Variants in PSMD1 observed in about 807,000 individuals in gnomAD.
PSMD1 encodes 26S proteasome non-ATPase regulatory subunit 1.
In PSMD1, 18 loss-of-function variants were observed where a neutral mutation model predicts 119.0. The observed-to-expected ratio is 0.15, with a 90% CI of 0.10 to 0.22. The LOEUF is 0.22. Among genes scored for constraint, PSMD1 ranks in the 10% least tolerant of loss-of-function variants. The pLI is 1.00. For missense variants in PSMD1, 702 were observed against 1,158.5 expected, an observed-to-expected ratio of 0.61 and a Z score of 5.72; for synonymous variants, 374 against 396.6, an observed-to-expected ratio of 0.94 and a Z score of 0.68.
intron 17 of PSMD1, among the ~76,000 whole-genome samples, chr2:231,145,894 CAAAAAAAAAAAAAAAA>C (rs36124651): frequency 2.1e-5 from 1 of 46,540 alleles, no homozygotes; most frequent in Non-Finnish European, 4.0e-5. Flanking sequence ...AGCTACATCT[CAAAAAAAAAAAAAAAA>C]AAAAAAAAAA....
rs140498298 is a variant in PSMD1, at chr2:231,083,066, C to G, written c.1525+72C>G. The stretch of plus-strand genomic sequence containing the variant: ...TAAATGTAATTACATTAGTTTCTAC[C>G]TATATTTTGTAGCCTCTTAAAATTC... On this transcript the variant is annotated intron_variant, in intron 13 of 24. Transcript: ENST00000308696. 62 of 1,146,532 alleles carry G rather than the reference C, an allele frequency of 5.4e-5. No individual in the cohort carries two copies. The African/African-American group carries it at 8.6e-4, about 16-fold the overall frequency. The allele number at this position is 1,146,532 out of a possible 1,614,324, so 71.0% of individuals were successfully genotyped here. A position where few individuals can be genotyped will look rare whatever the true frequency, so the allele number is the denominator to read the frequency against.
Position 231,072,334 on chromosome 2 carries a change from A to G in PSMD1, c.800A>G (p.Asn267Ser). 6.2e-7 allele frequency: 1 copy of G among 1,614,066 alleles called. No homozygotes were observed. Among genetic ancestry groups the G allele is most frequent in the South Asian group, 1.1e-5 (1 of 91,086 alleles). ...SQQFLSSVIQNLRTVGTPIAS... is the reference protein window; with the variant it reads ...SQQFLSSVIQSLRTVGTPIAS... The stretch of plus-strand genomic sequence containing the variant: ...CAGTTTTTGTCATCTGTAATCCAGA[A>G]TCTTCGAACTGTTGGCACCCCTATT... Residue 267 changes from asparagine (N) to serine (S), a missense_variant, in exon 7 of 25, where the codon AAT becomes AGT. Around this residue, in one of 9 missense-constraint regions of PSMD1, gnomAD observed 32 missense variants for 77.1 expected, o/e 0.42. Coordinates refer to ENST00000308696, the MANE Select transcript of PSMD1 (RefSeq NM_002807.4).
At chr2:231,110,923 T>A (rs1056455242) in intron 16 of PSMD1, among the ~76,000 whole-genome samples, 5 of 152,250 alleles carry the variant, frequency 3.3e-5, no homozygotes, top group African/African-American at 1.2e-4. Context: ...AAAAGTTTGC[T>A]GACCCCTGCT....
chr2:231,128,183 A>G (rs1199025881), intron 16 of PSMD1, among the ~76,000 whole-genome samples: 1 of 152,242 alleles, frequency 6.6e-6, no homozygotes, highest in East Asian at 1.9e-4. Flanking sequence ...TATCTGCTAC[A>G]TATTCATTTG....
chr2:231,141,187 C>G (rs1574765555), intron 17 of PSMD1, among the ~76,000 whole-genome samples: 1 of 151,724 alleles, frequency 6.6e-6, no homozygotes, highest in East Asian at 1.9e-4. Context: ...GCCTGTAATC[C>G]CAGATACTCG....
intron 8 of PSMD1, among the ~76,000 whole-genome samples, chr2:231,076,649 G>C (rs1694174252): frequency 6.6e-6 from 1 of 150,906 alleles, no homozygotes; most frequent in Admixed American, 6.6e-5. Flanking sequence ...GAGAAACTCT[G>C]CCTCAAAAAA....
chr2:231,083,435 G>T (rs747418308), intron 13 of PSMD1, 132 bp from the exon 14 acceptor site: 2 of 894,628 alleles, frequency 2.2e-6, no homozygotes, highest in Non-Finnish European at 3.4e-6. Flanking sequence ...TTACCAGGTG[G>T]TTTAAAAAAA....
At chr2:231,098,449 C>G (rs1207290684) in intron 16 of PSMD1, among the ~76,000 whole-genome samples, 4 of 150,160 alleles carry the variant, frequency 2.7e-5, no homozygotes, top group African/African-American at 4.9e-5. Flanking sequence ...CTGTCTCTTT[C>G]TCTCTCTCTC....
chr2:231,062,167 C>G (rs909795616), intron 2 of PSMD1, 81 bp from the exon 3 acceptor site: 11 of 878,422 alleles, frequency 1.3e-5, no homozygotes, highest in African/African-American at 3.4e-5. Context: ...AGGATTTGAT[C>G]ATTGATTTGC....
At position 231,056,946 on chromosome 2, in the gene PSMD1, A is replaced by C; in HGVS notation, c.-80A>C. The C allele has an allele frequency of 6.6e-7, 1 of 1,526,138 alleles. No individual in the cohort carries two copies. Among genetic ancestry groups the C allele is most frequent in the Non-Finnish European group, 8.8e-7 (1 of 1,135,234 alleles). The allele number at this position is 1,526,138 out of a possible 1,614,324, so 94.5% of individuals were successfully genotyped here. ...CCCGGGGAGCAAGGAGGCGCGGTGA[A>C]CTGAGCGGCCCCTGAGCTGACAGAT... On this transcript the variant is annotated 5_prime_UTR_variant, in exon 1 of 25. Coordinates refer to ENST00000308696, the MANE Select transcript of PSMD1 (RefSeq NM_002807.4).
intron 16 of PSMD1, chr2:231,124,119 A>G: frequency 3.9e-6 from 1 of 259,464 alleles, no homozygotes; most frequent in Non-Finnish European, 7.6e-6. Flanking sequence ...CTTGCATGCC[A>G]GAGAGTTCCC....
intron 16 of PSMD1, among the ~76,000 whole-genome samples, chr2:231,110,465 CTT>C (rs1042882104): frequency 1.4e-4 from 21 of 152,130 alleles, no homozygotes; most frequent in Non-Finnish European, 2.6e-4. Context: ...TAACCTGAAT[CTT>C]TTTCCTTTGA....
Position 231,153,673 on chromosome 2 carries a change from G to C in PSMD1, c.2218+7G>C, listed in dbSNP as rs759074814. 5.6e-5 allele frequency: 87 copies of C among 1,556,808 alleles called. No individual in the cohort carries two copies. The highest frequency in any genetic ancestry group is 7.2e-5 in the Non-Finnish European group (82 of 1,134,960). ...CAGGGCATACTGGATGCAGGTAAAT[G>C]TTTTTAAGTCTTCAAGATTTATTTA... On this transcript the variant is annotated splice_region_variant and intron_variant, in intron 19 of 24. Transcript: ENST00000308696.
chr2:231,146,906 T>G (rs1301194668), intron 18 of PSMD1, among the ~76,000 whole-genome samples: 2 of 152,252 alleles, frequency 1.3e-5, no homozygotes, highest in Non-Finnish European at 1.5e-5. Flanking sequence ...CTTTTCCACT[T>G]GACCCACATC....
At chr2:231,096,566 G>A (rs1694732074) in intron 16 of PSMD1, among the ~76,000 whole-genome samples, 1 of 152,176 alleles carries the variant, frequency 6.6e-6, no homozygotes, top group African/African-American at 2.4e-5. Flanking sequence ...CGGGTTATGG[G>A]AAACAACTGT....
At chr2:231,157,338 T>C (rs1696528294) in intron 19 of PSMD1, among the ~76,000 whole-genome samples, 1 of 151,230 alleles carries the variant, frequency 6.6e-6, no homozygotes, top group Non-Finnish European at 1.5e-5. Context: ...AGGATAATTC[T>C]ATGTTTCGCC....
At chr2:231,083,050 T>C (rs1435317470) in intron 13 of PSMD1, 56 bp downstream of exon 13, 1 of 1,269,758 alleles carries the variant, frequency 7.9e-7, no homozygotes, top group African/African-American at 1.5e-5. Context: ...GTAAATGTAA[T>C]TACATTAGTT....
chr2:231,077,460 A>G (rs1259856326), intron 9 of PSMD1, among the ~76,000 whole-genome samples: 2 of 152,166 alleles, frequency 1.3e-5, no homozygotes, highest in African/African-American at 2.4e-5. Context: ...CAATCAGAAT[A>G]TTAAGATAGG....
At chr2:231,109,283 A>G (rs1316228686) in intron 16 of PSMD1, 1 of 1,614,044 alleles carries the variant, frequency 6.2e-7, no homozygotes, top group African/African-American at 1.3e-5. Flanking sequence ...AAGAGGTGTG[A>G]AGAAGGCAGC....
Sources: gnomAD v4.1 joint callset for allele counts (sites outside exome capture counted in the v4.1 genomes callset) on GRCh38, gnomAD v4.1.1 for gene constraint, gnomAD v4.1.1 regional missense constraint, MANE v1.5 for transcripts, NCBI Gene and HGNC (gene_info 2026-07-23, HGNC 2026-07-21) for gene names.